Variants in SDK1 observed in about 807,000 individuals in gnomAD.
SDK1 encodes sidekick cell adhesion molecule 1.
A neutral mutation model predicts 245.5 loss-of-function variants in SDK1; 157 were observed. That is an observed-to-expected ratio of 0.64 (90% confidence interval 0.56 to 0.73). The LOEUF (loss-of-function observed/expected upper bound fraction) is 0.73, where lower values mean the gene tolerates loss of function less well. Ranked by LOEUF, SDK1 falls within the 30% of genes least tolerant of loss-of-function variation. SDK1 has a pLI of 0.00. For synonymous variants in SDK1, 1,647 were observed against 1,278.5 expected (o/e 1.29, Z -6.15); for missense variants, 3,583 against 3,002.3 (o/e 1.19, Z -4.52).
intron 27 of SDK1, among the ~76,000 whole-genome samples, chr7:4,131,004 C>T (rs971609667): frequency 6.6e-6 from 1 of 152,136 alleles, no homozygotes; most frequent in Non-Finnish European, 1.5e-5. Flanking sequence ...CCTCGCCTCA[C>T]GGAGAGACGG....
chr7:4,000,885 A>C (rs1785024413), intron 14 of SDK1, among the ~76,000 whole-genome samples: 1 of 152,050 alleles, frequency 6.6e-6, no homozygotes, highest in South Asian at 2.1e-4. Flanking sequence ...ATGCACATCT[A>C]GGGAGACAGT....
At chr7:3,495,353 G>A (rs1353316290) in intron 1 of SDK1, among the ~76,000 whole-genome samples, 3 of 147,704 alleles carry the variant, frequency 2.0e-5, no homozygotes, top group Admixed American at 7.0e-5. Flanking sequence ...TGCCTCTCAG[G>A]CTCAGGTGAT....
intron 35 of SDK1, among the ~76,000 whole-genome samples, chr7:4,200,983 C>T (rs916544168): frequency 4.6e-5 from 7 of 152,334 alleles, no homozygotes; most frequent in East Asian, 1.9e-4. Flanking sequence ...AAAGTCCTTA[C>T]GTCCCTCAGC....
At chr7:3,403,094 C>G (rs1036240779) in intron 1 of SDK1, among the ~76,000 whole-genome samples, 6 of 152,042 alleles carry the variant, frequency 3.9e-5, no homozygotes, top group African/African-American at 1.2e-4. Flanking sequence ...GCCACCACAC[C>G]CAGCTAATTT....
chr7:3,480,230 G>T (rs1273339984), intron 1 of SDK1, among the ~76,000 whole-genome samples: 4 of 152,206 alleles, frequency 2.6e-5, no homozygotes, highest in Admixed American at 2.6e-4. Flanking sequence ...GATTCAGCAG[G>T]TCATTGCTGG....
chr7:3,338,169 C>T, intron 1 of SDK1: 1 of 249,706 alleles, frequency 4.0e-6, no homozygotes. Flanking sequence ...CTGGTATGTT[C>T]TCTAGGCCTT....
At chr7:3,994,616 T>G (rs1215722914) in intron 14 of SDK1, among the ~76,000 whole-genome samples, 3 of 141,820 alleles carry the variant, frequency 2.1e-5, no homozygotes, top group East Asian at 2.1e-4. Context: ...CACTCCAGCC[T>G]GGGAGACAGA....
intron 1 of SDK1, among the ~76,000 whole-genome samples, chr7:3,339,322 C>T (rs1435657439): frequency 6.6e-6 from 1 of 152,078 alleles, no homozygotes; most frequent in Admixed American, 6.6e-5. Flanking sequence ...TTAACAAATA[C>T]TATATACATA....
At chr7:3,759,464 A>G (rs1448632128) in intron 4 of SDK1, among the ~76,000 whole-genome samples, 6 of 152,194 alleles carry the variant, frequency 3.9e-5, no homozygotes, top group Non-Finnish European at 8.8e-5. Flanking sequence ...AATGATGGTG[A>G]AAGCCAGCGA....
At chr7:3,580,237 A>T (rs1380167459) in intron 1 of SDK1, among the ~76,000 whole-genome samples, 1 of 152,224 alleles carries the variant, frequency 6.6e-6, no homozygotes, top group Non-Finnish European at 1.5e-5. Flanking sequence ...ATACAGATTC[A>T]ATGCTATTCC....
At chr7:4,157,846 G>A (rs1391843815) in intron 30 of SDK1, among the ~76,000 whole-genome samples, 1 of 152,152 alleles carries the variant, frequency 6.6e-6, no homozygotes, top group East Asian at 1.9e-4. Context: ...AATGGTAGGG[G>A]TGCGGGGCTG....
Position 3,859,232 on chromosome 7 carries a change from G to A in SDK1, c.847+37649G>A, listed in dbSNP as rs531531873. Among the ~76,000 whole-genome samples the A allele has an allele frequency of 2.0e-5, 3 of 152,240 alleles. No individual in the cohort carries two copies. In the South Asian group the frequency reaches 6.2e-4, roughly 32 times the overall value. On this transcript the variant is annotated intron_variant, in intron 5 of 44. Coordinates refer to ENST00000404826, the MANE Select transcript of SDK1 (RefSeq NM_152744.4). Reference sequence around the variant, plus strand: ...AGGGCTCGGCAGGTGATGGTTGGGGGCTCAACTTTGATCCACCTGCCTAGC... The same window carrying A: ...AGGGCTCGGCAGGTGATGGTTGGGGACTCAACTTTGATCCACCTGCCTAGC...
intron 4 of SDK1, among the ~76,000 whole-genome samples, chr7:3,793,526 A>G (rs771381916): frequency 2.6e-5 from 4 of 152,158 alleles, no homozygotes; most frequent in Non-Finnish European, 4.4e-5. Context: ...TCTTAGTGCA[A>G]ACTTTTAAGT....
At chr7:4,069,903 A>G (rs1780138750) in intron 20 of SDK1, among the ~76,000 whole-genome samples, 1 of 152,144 alleles carries the variant, frequency 6.6e-6, no homozygotes, top group Non-Finnish European at 1.5e-5. Flanking sequence ...ATCACAGCCA[A>G]TGGGCATGTG....
intron 1 of SDK1, among the ~76,000 whole-genome samples, chr7:3,337,018 A>G (rs1034368738): frequency 5.5e-5 from 8 of 145,556 alleles, no homozygotes; most frequent in African/African-American, 1.7e-4. Flanking sequence ...GATACAATTC[A>G]TACCAATTTA....
intron 4 of SDK1, among the ~76,000 whole-genome samples, chr7:3,784,979 A>C (rs558257733): frequency 6.6e-6 from 1 of 152,256 alleles, no homozygotes; most frequent in African/African-American, 2.4e-5. Context: ...ATAACTGGGT[A>C]AAGAAAACGT....
At chr7:4,224,427 G>C (rs1785306769) in intron 40 of SDK1, among the ~76,000 whole-genome samples, 2 of 152,020 alleles carry the variant, frequency 1.3e-5, no homozygotes, top group African/African-American at 4.8e-5. Flanking sequence ...AAACAACCAG[G>C]TCTCATGAGA....
intron 4 of SDK1, among the ~76,000 whole-genome samples, chr7:3,655,462 T>C (rs1462610701): frequency 3.4e-4 from 5 of 14,766 alleles, no homozygotes; most frequent in Non-Finnish European, 5.0e-4. Flanking sequence ...TATATATATA[T>C]ATATATATAT....
intron 1 of SDK1, among the ~76,000 whole-genome samples, chr7:3,475,278 TCTGTCTGGAAGTG>T (rs1781319161): frequency 6.6e-6 from 1 of 152,120 alleles, no homozygotes; most frequent in Non-Finnish European, 1.5e-5. Context: ...TGTTCTCCCC[TCTGTCTGGAAGTG>T]CTGCTTCTTG....
Sources: allele counts gnomAD v4.1 joint callset (sites outside exome capture counted in the v4.1 genomes callset), GRCh38; gene constraint gnomAD v4.1.1; transcripts MANE v1.5; gene names NCBI Gene and HGNC (gene_info 2026-07-23, HGNC 2026-07-21).